GSPT1: variants seen among roughly 807,000 people sequenced by gnomAD.
GSPT1 encodes G1 to S phase transition 1, also known as eukaryotic peptide chain release factor GTP-binding subunit ERF3A.
GSPT1 carries 20 observed loss-of-function variants against 72.5 expected under a neutral mutation model. The observed-to-expected ratio is 0.28, with a 90% CI of 0.19 to 0.40. GSPT1 has a LOEUF of 0.40. Among genes scored for constraint, GSPT1 ranks in the 10% least tolerant of loss-of-function variants. The pLI is 1.00. For missense variants in GSPT1, 580 were observed against 811.9 expected (o/e 0.71, Z 3.47); for synonymous variants, 334 against 293.5 (o/e 1.14, Z -1.41).
intron 10 of GSPT1, among the ~76,000 whole-genome samples, 163 bp from the exon 11 acceptor site, chr16:11,883,258 A>G (rs1233483124): frequency 6.6e-6 from 1 of 152,032 alleles, no homozygotes; most frequent in African/African-American, 2.4e-5. Context: ...ACTCTATAAT[A>G]ATTTGTGTCA....
At position 11,915,531 on chromosome 16, in the gene GSPT1, C is replaced by A. The variant is rs763534900; in HGVS notation, c.190G>T (p.Ala64Ser). The A allele has an allele frequency of 7.2e-6, 11 of 1,518,854 alleles. No individual in the cohort carries two copies. The highest frequency in any genetic ancestry group is 9.7e-6 in the Non-Finnish European group (11 of 1,134,426). The allele number at this position is 1,518,854 out of a possible 1,614,324, so 94.1% of individuals were successfully genotyped here. The change falls in exon 1 of 15, where the codon GCC (alanine) becomes TCC (serine). Residue 64 changes from alanine to serine, a missense_variant. Ala to Ser is a moderately conservative substitution (Grantham distance 99). This residue lies in a region of GSPT1 where 327 missense variants were observed against 298.8 expected (regional missense o/e 1.09). Coordinates refer to ENST00000434724, the MANE Select transcript of GSPT1 (RefSeq NM_002094.4). The part of the protein sequence containing the change: ...AEAQRENLSA[A>S]FSRQLNVNAK... ...TTGACGTTGAGTTGCCGGCTGAAGG[C>A]CGCGCTGAGGTTCTCCCGCTGGGCC...
intron 7 of GSPT1, 90 bp from the exon 8 acceptor site, chr16:11,887,021 G>GTTTTT (rs34304551): frequency 1.2e-4 from 67 of 545,912 alleles, no homozygotes; most frequent in South Asian, 3.7e-4. Flanking sequence ...TATATCACGA[G>GTTTTT]TTTTTTTTTT....
At chr16:11,887,015 T>C in intron 7 of GSPT1, 84 bp from the exon 8 acceptor site, 2 of 761,708 alleles carry the variant, frequency 2.6e-6, no homozygotes, top group Non-Finnish European at 4.0e-6. Flanking sequence ...TTCAGTTATA[T>C]CACGAGTTTT....
chr16:11,884,183 C>G (rs1002169558), intron 10 of GSPT1, among the ~76,000 whole-genome samples: 1 of 151,962 alleles, frequency 6.6e-6, no homozygotes, highest in African/African-American at 2.4e-5. Context: ...TTTTTTAAGA[C>G]GAACATCCAG....
At chr16:11,900,020 C>T (rs1157515524) in intron 1 of GSPT1, among the ~76,000 whole-genome samples, 2 of 152,236 alleles carry the variant, frequency 1.3e-5, no homozygotes, top group Non-Finnish European at 2.9e-5. Context: ...GTAACTACTC[C>T]AACTCAATCC....
In GSPT1 at chr16:11,877,651, T is replaced by C; in HGVS notation, c.1429-71A>G. 1 of 890,234 alleles carries C rather than the reference T, an allele frequency of 1.1e-6. No individual in the cohort carries two copies. Among genetic ancestry groups the C allele is most frequent in the Non-Finnish European group, 1.7e-6 (1 of 601,402 alleles). The allele number at this position is 890,234 out of a possible 1,614,324, so 55.1% of individuals were successfully genotyped here. A position where few individuals can be genotyped will look rare whatever the true frequency, so the allele number is the denominator to read the frequency against. ...ATTACGCAACATAAAATGATCTGAA[T>C]GTCTGTCTGCTCAATAAAGAGTTGC... On this transcript the variant is annotated intron_variant, in intron 11 of 14. Coordinates refer to ENST00000434724, the MANE Select transcript of GSPT1 (RefSeq NM_002094.4). The surrounding 1 kb of genome is among the most constrained non-coding windows in gnomAD (Gnocchi z 4.0).
chr16:11,903,684 C>G (rs2054446843), intron 1 of GSPT1, among the ~76,000 whole-genome samples: 1 of 152,074 alleles, frequency 6.6e-6, no homozygotes, highest in Admixed American at 6.6e-5. Flanking sequence ...GTGTGAGACC[C>G]TGTCTCCAAA....
At chr16:11,915,276 CG>C in intron 1 of GSPT1, 92 bp downstream of exon 1, 1 of 1,217,578 alleles carries the variant, frequency 8.2e-7, no homozygotes, top group Non-Finnish European at 1.0e-6. Flanking sequence ...ACGTGCCGAC[CG>C]GGCCCCAGGG....
intron 12 of GSPT1, 98 bp from the exon 13 acceptor site, chr16:11,876,273 A>G (rs1274954754): frequency 3.8e-6 from 3 of 789,924 alleles, no homozygotes; most frequent in South Asian, 1.4e-5. Context: ...TAGTGTTACC[A>G]TCTCACTAGG....
chr16:11,899,182 A>G (rs1044169822), intron 1 of GSPT1, among the ~76,000 whole-genome samples: 3 of 152,216 alleles, frequency 2.0e-5, no homozygotes, highest in Non-Finnish European at 2.9e-5. Context: ...AAAAATAATG[A>G]ATTTGTAACC....
intron 11 of GSPT1, among the ~76,000 whole-genome samples, chr16:11,879,307 C>A (rs551337165): frequency 6.7e-6 from 1 of 150,224 alleles, no homozygotes; most frequent in Non-Finnish European, 1.5e-5. Context: ...AGGCAGAGAA[C>A]TGCTTGAACC....
At chr16:11,914,783 T>C (rs758978487) in intron 1 of GSPT1, among the ~76,000 whole-genome samples, 6 of 152,212 alleles carry the variant, frequency 3.9e-5, no homozygotes, top group Non-Finnish European at 7.3e-5. Context: ...GATCTTGGTA[T>C]TGATAGCCAA....
rs374991142 is a variant in GSPT1 at position 11,915,941 on chromosome 16, C to A, written c.-221G>T. On this transcript the variant is annotated 5_prime_UTR_variant, in exon 1 of 15. Coordinates refer to ENST00000434724, the MANE Select transcript of GSPT1 (RefSeq NM_002094.4). Reference sequence around the variant, plus strand: ...GCGGCGGCGGCAGCTCAACCCTCCTCCTCGTGTGTGTGAGCGGATCTCCTC... The same window carrying A: ...GCGGCGGCGGCAGCTCAACCCTCCTACTCGTGTGTGTGAGCGGATCTCCTC... 4 of 748,504 alleles carry A rather than the reference C, an allele frequency of 5.3e-6. No homozygotes were observed. The highest frequency in any genetic ancestry group is 7.3e-6 in the Non-Finnish European group (3 of 412,532). 46.4% of individuals were successfully genotyped at this position (748,504 alleles called of 1,614,324 possible). A position where few individuals can be genotyped will look rare whatever the true frequency, so the allele number is the denominator to read the frequency against.
chr16:11,880,915 T>A (rs2054113888), intron 11 of GSPT1, among the ~76,000 whole-genome samples: 1 of 152,234 alleles, frequency 6.6e-6, no homozygotes, highest in Admixed American at 6.5e-5. Context: ...TATTTGATAT[T>A]TGAGACGGAG....
intron 1 of GSPT1, among the ~76,000 whole-genome samples, chr16:11,899,816 G>A (rs969149021): frequency 1.3e-5 from 2 of 152,148 alleles, no homozygotes; most frequent in African/African-American, 4.8e-5. Context: ...GCCTGGAACT[G>A]AGCTGACTCC....
chr16:11,906,021 T>G (rs1429700991), intron 1 of GSPT1, among the ~76,000 whole-genome samples: 1 of 152,196 alleles, frequency 6.6e-6, no homozygotes, highest in African/African-American at 2.4e-5. Flanking sequence ...TTTACTGAAT[T>G]ACTGTGTTTT....
At position 11,915,583 on chromosome 16, in the gene GSPT1, G is replaced by A. The variant is rs1426234316; in HGVS notation, c.138C>T (p.Gly46=). ...CGGCCGCCGCCGCCAGGGAGCCGCC[G>A]CCGCCGCAAGGGCCCGGCCCGGGGG... ...MEAPGPGPCG[G]GGSLAAAAEA... is the part of the protein sequence containing the mutation. Residue 46 remains glycine, a synonymous_variant, in exon 1 of 15, where the codon GGC becomes GGT. Coordinates refer to ENST00000434724, the MANE Select transcript of GSPT1 (RefSeq NM_002094.4). 8.7e-6 allele frequency: 13 copies of A among 1,486,632 alleles called. 1 individual carries two copies. In the East Asian group the frequency reaches 3.9e-4, roughly 45 times the overall value. 92.1% of individuals were successfully genotyped at this position (1,486,632 alleles called of 1,614,324 possible).
chr16:11,873,196 C>A (rs761442281), intron 14 of GSPT1, 25 bp from the exon 15 acceptor site: 4 of 1,252,980 alleles, frequency 3.2e-6, no homozygotes, highest in Non-Finnish European at 4.7e-6. Context: ...TTAAAAAAAT[C>A]TTTCAGTAGT....
chr16:11,893,601 C>G (rs76785762), intron 5 of GSPT1, among the ~76,000 whole-genome samples: 1,928 of 152,192 alleles, frequency 0.013, 38 homozygotes, highest in African/African-American at 0.045. Context: ...CAATTCAAAG[C>G]TCTCCTTTCC....
Sources: gnomAD v4.1 joint callset for allele counts (sites outside exome capture counted in the v4.1 genomes callset) on GRCh38, gnomAD v4.1.1 for gene constraint, gnomAD v4.1.1 regional missense constraint, Gnocchi (gnomAD v3.1) non-coding constraint, MANE v1.5 for transcripts, NCBI Gene and HGNC (gene_info 2026-07-23, HGNC 2026-07-21) for gene names.